SSH2: variants seen among roughly 807,000 people sequenced by gnomAD.
SSH2 encodes the protein protein phosphatase Slingshot homolog 2.
SSH2 carries 37 observed loss-of-function variants against 135.2 expected under a neutral mutation model. The ratio of observed to expected loss-of-function variants is 0.27; its 90% CI spans 0.21 to 0.36. The LOEUF (loss-of-function observed/expected upper bound fraction) is 0.36. SSH2 is among the 10% of genes least tolerant of loss of function. The pLI is 1.00. For synonymous variants in SSH2, 628 were observed against 646.2 expected (o/e 0.97, Z 0.43); for missense variants, 1,408 against 1,765.3 (o/e 0.80, Z 3.63).
intron 2 of SSH2, among the ~76,000 whole-genome samples, chr17:29,829,466 G>C (rs2042800850): frequency 6.6e-6 from 1 of 150,410 alleles, no homozygotes; most frequent in African/African-American, 2.4e-5. Flanking sequence ...TCGATGGCTT[G>C]TGTGTGTGTG....
At chr17:29,879,373 GT>G (rs5819875) in intron 1 of SSH2, among the ~76,000 whole-genome samples, 62,714 of 135,886 alleles carry the variant, frequency 0.46, 14,395 homozygotes, top group East Asian at 0.68. Context: ...GCTTTCTGCT[GT>G]TTTTTTTTTT....
At chr17:29,864,232 G>A (rs917466071) in intron 1 of SSH2, 1 of 151,976 alleles carries the variant, frequency 6.6e-6, no homozygotes, top group African/African-American at 2.4e-5. Context: ...TTGAACCCAG[G>A]AGGCAGAGGT....
chr17:29,712,431 T>C (rs2039469425), intron 3 of SSH2, among the ~76,000 whole-genome samples: 1 of 152,242 alleles, frequency 6.6e-6, no homozygotes, highest in East Asian at 1.9e-4. Context: ...TTCATATGTC[T>C]GTTCTCTAAG....
intron 2 of SSH2, among the ~76,000 whole-genome samples, chr17:29,796,494 C>A (rs2042158045): frequency 6.6e-6 from 1 of 152,106 alleles, no homozygotes; most frequent in Admixed American, 6.6e-5. Context: ...GCATGTGCCA[C>A]CATGGCCTGG....
intron 1 of SSH2, among the ~76,000 whole-genome samples, chr17:29,918,436 C>G (rs1167580258): frequency 6.6e-6 from 1 of 152,128 alleles, no homozygotes; most frequent in African/African-American, 2.4e-5. Flanking sequence ...CCAGTGTCTA[C>G]AATCACAAAT....
intron 1 of SSH2, among the ~76,000 whole-genome samples, chr17:29,897,345 TAA>T (rs1484258899): frequency 6.6e-6 from 1 of 151,990 alleles, no homozygotes; most frequent in Non-Finnish European, 1.5e-5. Context: ...GCAAATTGGA[TAA>T]AGAGTCAAGA....
chr17:29,801,204 A>G (rs569036286), intron 2 of SSH2, among the ~76,000 whole-genome samples: 2 of 152,256 alleles, frequency 1.3e-5, no homozygotes, highest in African/African-American at 4.8e-5. Flanking sequence ...ATTCTTATTA[A>G]TCTGTTTACT....
In SSH2 at chr17:29,667,231, G is replaced by C. The variant is rs765737438; in HGVS notation, c.810-8C>G. On this transcript the variant is annotated splice_polypyrimidine_tract_variant and splice_region_variant and intron_variant, in intron 9 of 15. Coordinates refer to ENST00000540801, the MANE Select transcript of SSH2 (RefSeq NM_001282129.2). The stretch of plus-strand genomic sequence containing the variant: ...CGTTCACGTTCAGTAGGTCTGAGAA[G>C]AGAGAAATAACGATTATTCTTAAAC... 2.0e-6 allele frequency: 3 copies of C among 1,527,010 alleles called. No homozygotes were observed. In the East Asian group the frequency reaches 6.7e-5, roughly 34 times the overall value. The allele number at this position is 1,527,010 out of a possible 1,614,324, so 94.6% of individuals were successfully genotyped here.
At chr17:29,888,300 A>C (rs1373786767) in intron 1 of SSH2, among the ~76,000 whole-genome samples, 1 of 152,196 alleles carries the variant, frequency 6.6e-6, no homozygotes. Flanking sequence ...TCTACCATGG[A>C]AACTAACAGA....
At chr17:29,800,377 T>G (rs199551550) in intron 2 of SSH2, among the ~76,000 whole-genome samples, 2 of 152,214 alleles carry the variant, frequency 1.3e-5, no homozygotes, top group East Asian at 3.8e-4. Context: ...TATCGGGTAA[T>G]GCAGTTATCT....
At chr17:29,791,552 A>G (rs137857295) in intron 3 of SSH2, among the ~76,000 whole-genome samples, 3 of 152,332 alleles carry the variant, frequency 2.0e-5, no homozygotes, top group Admixed American at 2.0e-4. Context: ...ATGCTGGTTT[A>G]TTCTGTGGTG....
In SSH2 at chr17:29,634,220, G is replaced by C. The variant is rs117210237; in HGVS notation, c.2263-1289C>G. Among the ~76,000 whole-genome samples the C allele has an allele frequency of 2.1e-3, 317 of 152,290 alleles. 8 individuals carry two copies. In the East Asian group the frequency reaches 0.055, roughly 26 times the overall value. ...TCACAGTGGGGTAGTTAAGGAGAGA[G>C]AACAAATCGTTAACGGACAAAGCGG... On this transcript the variant is annotated intron_variant, in intron 15 of 15. Transcript: ENST00000540801.
intron 3 of SSH2, among the ~76,000 whole-genome samples, chr17:29,790,781 T>C (rs573657737): frequency 6.4e-4 from 98 of 152,132 alleles, no homozygotes; most frequent in Non-Finnish European, 2.5e-4. Context: ...CAGGCTGGAT[T>C]GCAGTGGCGC....
intron 3 of SSH2, among the ~76,000 whole-genome samples, chr17:29,772,412 A>C (rs1418465991): frequency 6.6e-6 from 1 of 151,984 alleles, no homozygotes; most frequent in South Asian, 2.1e-4. Context: ...TGCCCGAATA[A>C]TTTTTTGTAT....
At chr17:29,850,800 A>G (rs2065541322) in intron 1 of SSH2, among the ~76,000 whole-genome samples, 1 of 152,182 alleles carries the variant, frequency 6.6e-6, no homozygotes, top group East Asian at 1.9e-4. Flanking sequence ...CCTGACTAAC[A>G]TGGTGAAACC....
intron 2 of SSH2, among the ~76,000 whole-genome samples, chr17:29,803,371 G>C (rs1342844092): frequency 6.6e-6 from 1 of 152,130 alleles, no homozygotes; most frequent in African/African-American, 2.4e-5. Flanking sequence ...TAGCCTAGAT[G>C]GGTGGAAAGC....
In SSH2 at chr17:29,728,712, TG is replaced by T. The variant is rs1300211661; in HGVS notation, c.189-25651del. Among the ~76,000 whole-genome samples the T allele has an allele frequency of 5.9e-5, 9 of 152,204 alleles. No homozygotes were observed. The East Asian group carries it at 1.7e-3, about 29-fold the overall frequency. On this transcript the variant is annotated intron_variant, in intron 3 of 15. Transcript: ENST00000540801. Reference sequence around the variant, plus strand: ...TCATAAAAAGAGACACATAGACCAATGGGATATAACACAGAATCCAGGAATA... The same window carrying T: ...TCATAAAAAGAGACACATAGACCAATGGATATAACACAGAATCCAGGAATA...
intron 6 of SSH2, among the ~76,000 whole-genome samples, chr17:29,681,249 C>T (rs758271752): frequency 1.4e-5 from 2 of 139,862 alleles, no homozygotes; most frequent in Admixed American, 7.9e-5. Flanking sequence ...GCAGGAGAAT[C>T]GCTTGAACCC....
At chr17:29,916,907 T>C (rs1032607034) in intron 1 of SSH2, among the ~76,000 whole-genome samples, 2 of 152,114 alleles carry the variant, frequency 1.3e-5, no homozygotes, top group African/African-American at 4.8e-5. Flanking sequence ...TTTCTATTTG[T>C]GTCTGATGGA....
Sources: gnomAD v4.1 joint callset for allele counts (sites outside exome capture counted in the v4.1 genomes callset) on GRCh38, gnomAD v4.1.1 for gene constraint, MANE v1.5 for transcripts, NCBI Gene and HGNC (gene_info 2026-07-23, HGNC 2026-07-21) for gene names.